The following ZBTB10 variants were observed in gnomAD, a reference collection of about 807,000 sequenced individuals.
The protein encoded by ZBTB10 is zinc finger and BTB domain containing 10.
A neutral mutation model predicts 76.4 loss-of-function variants in ZBTB10; 32 were observed. That is an observed-to-expected ratio of 0.42 (90% confidence interval 0.32 to 0.56). The LOEUF (loss-of-function observed/expected upper bound fraction) is 0.56, where lower values mean the gene tolerates loss of function less well. ZBTB10 is among the 20% of genes least tolerant of loss of function. ZBTB10 has a pLI of 0.14. For synonymous variants in ZBTB10, 523 were observed against 432.9 expected, an observed-to-expected ratio of 1.21 and a Z score of -2.58; for missense variants, 1,057 against 1,098.5, an observed-to-expected ratio of 0.96 and a Z score of 0.53.
intron 2 of ZBTB10, among the ~76,000 whole-genome samples, chr8:80,502,127 A>G (rs1215708693): frequency 2.0e-5 from 3 of 152,246 alleles, no homozygotes; most frequent in Non-Finnish European, 4.4e-5. Flanking sequence ...ACTTTCAAAG[A>G]TGACATTACT....
At chr8:80,486,180 C>A, upstream of ZBTB10, 1 of 1,167,160 alleles carries the variant, frequency 8.6e-7, no homozygotes. Context: ...CCCCCTCCAG[C>A]GGTTACTGCT....
intron 1 of ZBTB10, 50 bp downstream of exon 1, chr8:80,487,832 T>A (rs762515832): frequency 1.1e-5 from 17 of 1,508,300 alleles, no homozygotes; most frequent in Non-Finnish European, 1.4e-5. Flanking sequence ...GGGAAAGGTT[T>A]ATCAGCACTC....
intron 1 of ZBTB10, among the ~76,000 whole-genome samples, 182 bp from the exon 2 acceptor site, chr8:80,499,312 T>A (rs945812904): frequency 6.6e-6 from 1 of 152,218 alleles, no homozygotes; most frequent in African/African-American, 2.4e-5. Context: ...ATGTGTTTGA[T>A]TTTTTTCTTT....
At chr8:80,500,492 G>T in intron 2 of ZBTB10, 110 bp downstream of exon 2, 1 of 1,162,692 alleles carries the variant, frequency 8.6e-7, no homozygotes, top group Non-Finnish European at 1.2e-6. Flanking sequence ...TAATACTAAA[G>T]TTGTTTACAA....
chr8:80,512,627 G>A (rs1026876710), intron 2 of ZBTB10, among the ~76,000 whole-genome samples: 4 of 152,116 alleles, frequency 2.6e-5, no homozygotes, highest in African/African-American at 7.2e-5. Context: ...TAGGAGAATC[G>A]GTTGAACCTG....
At chr8:80,490,304 G>T (rs894972962) in intron 1 of ZBTB10, among the ~76,000 whole-genome samples, 5 of 152,134 alleles carry the variant, frequency 3.3e-5, no homozygotes, top group African/African-American at 4.8e-5. Context: ...TGCCCAGGCT[G>T]GAGTGCAGTG....
Position 80,513,893 on chromosome 8 carries a change from CTA to C in ZBTB10, c.1862-15_1862-14del, listed in dbSNP as rs756208736. On this transcript the variant is annotated splice_polypyrimidine_tract_variant and intron_variant, in intron 2 of 5. Transcript: ENST00000455036. ...TGGTGTGGTTTGTAGATAAATTTTTCTATGTTTCCTTTTCAGATTTAGATGGT... is the reference window on the plus strand; with the variant it reads ...TGGTGTGGTTTGTAGATAAATTTTTCTGTTTCCTTTTCAGATTTAGATGGT... The C allele has an allele frequency of 1.2e-5, 19 of 1,609,406 alleles. No individual in the cohort carries two copies. Among genetic ancestry groups the C allele is most frequent in the Admixed American group, 3.3e-5 (2 of 59,750 alleles).
At chr8:80,501,888 T>C (rs879581380) in intron 2 of ZBTB10, among the ~76,000 whole-genome samples, 14 of 152,236 alleles carry the variant, frequency 9.2e-5, no homozygotes, top group African/African-American at 3.1e-4. Flanking sequence ...GATTTCTCAT[T>C]AGAGCTACGT....
At position 80,524,879 on chromosome 8, in the gene ZBTB10, A is replaced by G. The variant is rs989528978; in HGVS notation, c.*5351A>G. 6.6e-6 allele frequency: 1 copy of G among 152,110 alleles called. No individual in the cohort carries two copies. Among genetic ancestry groups the G allele is most frequent in the Non-Finnish European group, 1.5e-5 (1 of 67,986 alleles). 9.4% of individuals were successfully genotyped at this position (152,110 alleles called of 1,614,324 possible). On this transcript the variant is annotated 3_prime_UTR_variant, in exon 6 of 6. Transcript: ENST00000455036. ...TATGAAAAGTGAAAGAGATTACTTA[A>G]TCATTTTGACAAAGGCAGTATTGAC...
chr8:80,501,150 G>C (rs1238076766), intron 2 of ZBTB10, among the ~76,000 whole-genome samples: 1 of 152,170 alleles, frequency 6.6e-6, no homozygotes, highest in South Asian at 2.1e-4. Flanking sequence ...ACAGACATGA[G>C]CCACCACACC....
At position 80,500,053 on chromosome 8, in the gene ZBTB10, C is replaced by T. The variant is rs778728408; in HGVS notation, c.1532C>T (p.Ala511Val). The T allele has an allele frequency of 1.7e-5, 28 of 1,613,716 alleles. 1 individual carries two copies. The South Asian group carries it at 3.0e-4, about 17-fold the overall frequency. Residue 511 changes from alanine (A) to valine (V), a missense_variant, in exon 2 of 6, where the codon GCA (alanine) becomes GTA (valine). Physicochemically the swap from Ala to Val is moderately conservative, Grantham distance 64. Coordinates refer to ENST00000455036, the MANE Select transcript of ZBTB10 (RefSeq NM_001105539.3). Reference protein sequence around the residue: ...FWATRNLTNLASNVKIENDGC... With the variant: ...FWATRNLTNLVSNVKIENDGC... ...GCAACACGGAATCTTACCAATTTGG[C>T]AAGTAATGTAAAGATTGAAAATGAT...
At chr8:80,508,372 T>C (rs1034883348) in intron 2 of ZBTB10, among the ~76,000 whole-genome samples, 4 of 152,234 alleles carry the variant, frequency 2.6e-5, no homozygotes, top group African/African-American at 7.2e-5. Flanking sequence ...GTTATAACTT[T>C]CTGGGAACTC....
chr8:80,508,787 T>C (rs955543736), intron 2 of ZBTB10, among the ~76,000 whole-genome samples: 1 of 152,358 alleles, frequency 6.6e-6, no homozygotes. Flanking sequence ...AATTTCCTAC[T>C]ACCTTGTCTA....
At chr8:80,512,258 A>G (rs548270255) in intron 2 of ZBTB10, among the ~76,000 whole-genome samples, 15 of 152,310 alleles carry the variant, frequency 9.8e-5, no homozygotes, top group African/African-American at 2.4e-4. Flanking sequence ...AGCTCTCTCT[A>G]TGTACACTGC....
At position 80,487,430 on chromosome 8, in the gene ZBTB10, G is replaced by A. The variant is rs1287210744; in HGVS notation, c.620G>A (p.Ser207Asn). The change falls in exon 1 of 6, where the codon AGC (serine) becomes AAC (asparagine). Residue 207 changes from serine to asparagine, a missense_variant. By Grantham distance (46) the Ser-to-Asn change is conservative. This residue lies in a region of ZBTB10 where 556 missense variants were observed against 451.7 expected (regional missense o/e 1.23). Coordinates refer to ENST00000455036, the MANE Select transcript of ZBTB10 (RefSeq NM_001105539.3). ...SGAEGGSCSS[S>N]RRSGGDGGDE... ...GCGGAAGGCGGCAGCTGCAGCAGCAGCAGGCGGTCGGGCGGCGATGGCGGG... is the reference window on the plus strand; with the variant it reads ...GCGGAAGGCGGCAGCTGCAGCAGCAACAGGCGGTCGGGCGGCGATGGCGGG... 2.6e-6 allele frequency: 4 copies of A among 1,544,380 alleles called. No individual in the cohort carries two copies. The highest frequency in any genetic ancestry group is 8.8e-7 in the Non-Finnish European group (1 of 1,142,092).
chr8:80,514,366 T>C (rs1292452315), intron 3 of ZBTB10, among the ~76,000 whole-genome samples: 1 of 152,216 alleles, frequency 6.6e-6, no homozygotes, highest in African/African-American at 2.4e-5. Flanking sequence ...GTGTAGTTAA[T>C]GGCTATAGAA....
chr8:80,485,901 G>A, upstream of ZBTB10: 3 of 1,534,414 alleles, frequency 2.0e-6, no homozygotes, highest in Non-Finnish European at 2.6e-6. Context: ...TGGGCAGCGG[G>A]GAGGCGGCCA....
intron 2 of ZBTB10, among the ~76,000 whole-genome samples, chr8:80,507,227 T>C (rs1585853978): frequency 6.6e-6 from 1 of 150,524 alleles, no homozygotes; most frequent in Admixed American, 6.6e-5. Context: ...AGAATCACTT[T>C]AACCCGGGAG....
Position 80,519,762 on chromosome 8 carries a change from C to A in ZBTB10, c.*234C>A. ...TACATGGAGTCCCCACATACTCAGT[C>A]AGTTATCAAAGTAAAATATTTTTTA... On this transcript the variant is annotated 3_prime_UTR_variant, in exon 6 of 6. Coordinates refer to ENST00000455036, the MANE Select transcript of ZBTB10 (RefSeq NM_001105539.3). 4.9e-6 allele frequency: 2 copies of A among 410,304 alleles called. No homozygotes were observed. The highest frequency in any genetic ancestry group is 8.7e-6 in the Non-Finnish European group (2 of 229,576). 25.4% of individuals were successfully genotyped at this position (410,304 alleles called of 1,614,324 possible).
Sources: gnomAD v4.1 joint callset for allele counts (sites outside exome capture counted in the v4.1 genomes callset) on GRCh38, gnomAD v4.1.1 for gene constraint, gnomAD v4.1.1 regional missense constraint, MANE v1.5 for transcripts, NCBI Gene and HGNC (gene_info 2026-07-23, HGNC 2026-07-21) for gene names.